Variants in EPHA6 observed in about 807,000 individuals in gnomAD.
EPHA6 encodes EPH receptor A6.
In EPHA6, 50 loss-of-function variants were observed where a neutral mutation model predicts 112.0. The ratio of observed to expected loss-of-function variants is 0.45; its 90% confidence interval spans 0.36 to 0.56. The LOEUF is 0.56. EPHA6 is among the 20% of genes least tolerant of loss of function. The probability of loss-of-function intolerance (pLI) is 0.00; values close to 1 mark genes in which losing one functional copy is unlikely to be tolerated. For missense variants in EPHA6, 1,280 were observed against 1,417.4 expected (o/e 0.90, Z 1.56); for synonymous variants, 529 against 490.7 (o/e 1.08, Z -1.03).
At chr3:96,990,510 TG>T (rs2043175449) in intron 3 of EPHA6, among the ~76,000 whole-genome samples, 1 of 152,138 alleles carries the variant, frequency 6.6e-6, no homozygotes, top group South Asian at 2.1e-4. Flanking sequence ...CAAAATCAGG[TG>T]TTTTTTTTAA....
chr3:96,982,471 C>T (rs1022912922), intron 2 of EPHA6, among the ~76,000 whole-genome samples: 37 of 152,186 alleles, frequency 2.4e-4, no homozygotes, highest in African/African-American at 7.5e-4. Context: ...TGCTTTACTT[C>T]CAACTATGTG....
At chr3:97,155,037 A>C (rs772163723) in intron 3 of EPHA6, among the ~76,000 whole-genome samples, 2 of 152,220 alleles carry the variant, frequency 1.3e-5, no homozygotes, top group African/African-American at 2.4e-5. Context: ...GAATTCCAAC[A>C]CTTTGAAGCT....
intron 1 of EPHA6, among the ~76,000 whole-genome samples, chr3:96,821,489 C>T (rs1198009044): frequency 6.6e-6 from 1 of 151,718 alleles, no homozygotes; most frequent in Non-Finnish European, 1.5e-5. Flanking sequence ...TATAAATTCT[C>T]TAAAACAAAA....
At chr3:97,320,532 A>G (rs1400740303) in intron 5 of EPHA6, among the ~76,000 whole-genome samples, 1 of 151,898 alleles carries the variant, frequency 6.6e-6, no homozygotes, top group Non-Finnish European at 1.5e-5. Flanking sequence ...CTGCAGAGAA[A>G]CATGTTATCA....
At chr3:96,909,243 A>G (rs2039091231) in intron 2 of EPHA6, among the ~76,000 whole-genome samples, 1 of 151,560 alleles carries the variant, frequency 6.6e-6, no homozygotes, top group African/African-American at 2.4e-5. Context: ...GATGAAGATT[A>G]TTTGGGCATA....
At chr3:96,995,289 G>A (rs1310434727) in intron 3 of EPHA6, among the ~76,000 whole-genome samples, 2 of 152,052 alleles carry the variant, frequency 1.3e-5, no homozygotes, top group African/African-American at 2.4e-5. Context: ...AAATAAGGGA[G>A]TTTGAGGATA....
intron 1 of EPHA6, among the ~76,000 whole-genome samples, chr3:96,826,179 A>G (rs1437755722): frequency 2.0e-5 from 3 of 152,054 alleles, no homozygotes; most frequent in East Asian, 3.8e-4. Flanking sequence ...ATTATATATC[A>G]TAAGTCTTTG....
At chr3:96,954,063 G>A (rs1474796973) in intron 2 of EPHA6, among the ~76,000 whole-genome samples, 3 of 151,884 alleles carry the variant, frequency 2.0e-5, no homozygotes, top group Admixed American at 2.0e-4. Context: ...TTGTAAAGAT[G>A]AAGTCTTGCT....
At chr3:97,637,007 A>G (rs1369961971) in intron 13 of EPHA6, among the ~76,000 whole-genome samples, 1 of 152,046 alleles carries the variant, frequency 6.6e-6, no homozygotes, top group Admixed American at 6.6e-5. Context: ...ATTTCCTCTA[A>G]TTTCAAGGGT....
intron 3 of EPHA6, among the ~76,000 whole-genome samples, chr3:97,181,704 G>A (rs1333405964): frequency 1.3e-5 from 2 of 151,962 alleles, no homozygotes; most frequent in East Asian, 3.9e-4. Flanking sequence ...ATTATTAGAG[G>A]ATTTGGCCAG....
At chr3:97,603,067 T>A (rs2093654894) in intron 12 of EPHA6, among the ~76,000 whole-genome samples, 1 of 152,020 alleles carries the variant, frequency 6.6e-6, no homozygotes, top group Non-Finnish European at 1.5e-5. Flanking sequence ...GTGAATGTAA[T>A]ACAAAATCAA....
intron 3 of EPHA6, among the ~76,000 whole-genome samples, chr3:97,182,741 A>T (rs1020338054): frequency 6.6e-6 from 1 of 152,122 alleles, no homozygotes; most frequent in South Asian, 2.1e-4. Context: ...TTCTTCATTG[A>T]TATTTTAAAA....
chr3:97,346,214 T>C (rs186188392), intron 5 of EPHA6, among the ~76,000 whole-genome samples: 1 of 152,268 alleles, frequency 6.6e-6, no homozygotes, highest in African/African-American at 2.4e-5. Context: ...CAACCATATG[T>C]TAAAATTTTT....
intron 5 of EPHA6, among the ~76,000 whole-genome samples, chr3:97,323,042 C>T (rs775335249): frequency 5.3e-5 from 8 of 151,924 alleles, no homozygotes; most frequent in African/African-American, 1.9e-4. Flanking sequence ...CTTAGGGTAT[C>T]CTCTTCCCTT....
intron 3 of EPHA6, among the ~76,000 whole-genome samples, chr3:97,041,017 C>G (rs1440488892): frequency 2.0e-5 from 3 of 151,954 alleles, no homozygotes; most frequent in Non-Finnish European, 4.4e-5. Context: ...TCTACTTTTG[C>G]TTGTTTATAA....
chr3:97,340,231 T>C (rs1332410134), intron 5 of EPHA6, among the ~76,000 whole-genome samples: 1 of 152,170 alleles, frequency 6.6e-6, no homozygotes, highest in African/African-American at 2.4e-5. Context: ...CCTTTGTATA[T>C]GTAGAAGTTC....
At chr3:97,460,053 AATGGTGAT>A (rs2090832883) in intron 7 of EPHA6, among the ~76,000 whole-genome samples, 1 of 152,228 alleles carries the variant, frequency 6.6e-6, no homozygotes. Flanking sequence ...GCTTAGGGGT[AATGGTGAT>A]ATGTTAGCAA....
At chr3:97,743,795 T>A (rs1360098825) in intron 16 of EPHA6, among the ~76,000 whole-genome samples, 1 of 152,064 alleles carries the variant, frequency 6.6e-6, no homozygotes, top group Non-Finnish European at 1.5e-5. Flanking sequence ...TCTCAAAATA[T>A]AACCTTTCTT....
chr3:97,571,169 C>T (rs1224566215), intron 11 of EPHA6, among the ~76,000 whole-genome samples: 1 of 152,016 alleles, frequency 6.6e-6, no homozygotes, highest in Non-Finnish European at 1.5e-5. Context: ...GCATTTAGGG[C>T]AGTAATATCA....
Sources: gnomAD v4.1 joint callset for allele counts (sites outside exome capture counted in the v4.1 genomes callset) on GRCh38, gnomAD v4.1.1 for gene constraint, MANE v1.5 for transcripts, NCBI Gene and HGNC (gene_info 2026-07-23, HGNC 2026-07-21) for gene names.